The following PUS1 variants were observed in gnomAD, a reference collection of about 807,000 sequenced individuals.
PUS1 encodes pseudouridylate synthase 1 homolog.
A neutral mutation model predicts 38.5 loss-of-function variants in PUS1; 25 were observed. That is an observed-to-expected ratio of 0.65 (90% CI 0.47 to 0.91). The LOEUF (loss-of-function observed/expected upper bound fraction) is 0.91. Among genes scored for constraint, PUS1 ranks in the 40% least tolerant of loss-of-function variants. The pLI is 0.00. For synonymous variants in PUS1, 282 were observed against 260.4 expected, an observed-to-expected ratio of 1.08 and a Z score of -0.80; for missense variants, 597 against 612.3, an observed-to-expected ratio of 0.97 and a Z score of 0.26.
chr12:131,943,533 C>T lies in PUS1; in HGVS notation c.1237-6C>T, dbSNP rs2136447239. 6.2e-7 allele frequency: 1 copy of T among 1,612,770 alleles called. No individual in the cohort carries two copies. Among genetic ancestry groups the T allele is most frequent in the Admixed American group, 1.7e-5 (1 of 60,022 alleles). On this transcript the variant is annotated splice_region_variant and splice_polypyrimidine_tract_variant and intron_variant, in intron 5 of 5. Coordinates refer to ENST00000376649, the MANE Select transcript of PUS1 (RefSeq NM_025215.6). Reference sequence around the variant, plus strand: ...CTCTTATTCTCCATGTGGTCTTCTTCTGCAGGTGCCCAGTCCCCTGGAAGG... The same window carrying T: ...CTCTTATTCTCCATGTGGTCTTCTTTTGCAGGTGCCCAGTCCCCTGGAAGG...
chr12:131,943,508 C>T (rs375867008), intron 5 of PUS1, 31 bp from the exon 6 acceptor site: 21 of 1,601,032 alleles, frequency 1.3e-5, no homozygotes, highest in Admixed American at 1.7e-5. Context: ...GAGTGCTTGC[C>T]TCTTATTCTC....
At position 131,941,802 on chromosome 12, in the gene PUS1, T is replaced by C; in HGVS notation, c.1055T>C (p.Leu352Pro). The change falls in exon 5 of 6, where the codon CTG becomes CCG. Residue 352 changes from leucine (L) to proline (P), a missense_variant. Coordinates refer to ENST00000376649, the MANE Select transcript of PUS1 (RefSeq NM_025215.6). The surrounding 1 kb of genome is among the most constrained non-coding windows in gnomAD (Gnocchi z 4.4). Reference protein sequence around the residue: ...KYNQRFGNDGLHEPLDWAQEE... With the variant: ...KYNQRFGNDGPHEPLDWAQEE... ...AACCAGCGCTTTGGCAACGATGGGC[T>C]GCATGAGCCGCTGGACTGGGCGCAG... 6.2e-7 allele frequency: 1 copy of C among 1,613,386 alleles called. No individual in the cohort carries two copies. The highest frequency in any genetic ancestry group is 8.5e-7 in the Non-Finnish European group (1 of 1,179,402).
At position 131,932,324 on chromosome 12, in the gene PUS1, C is replaced by T; in HGVS notation, c.441+12C>T. The stretch of plus-strand genomic sequence containing the variant: ...CCCGGACAGACAAGGTGGGTGGTGG[C>T]CTTCTCTGCCCCTCCCCCGCTGCTA... On this transcript the variant is annotated intron_variant, in intron 3 of 5. Coordinates refer to ENST00000376649, the MANE Select transcript of PUS1 (RefSeq NM_025215.6). The T allele has an allele frequency of 1.2e-6, 2 of 1,612,772 alleles. No individual in the cohort carries two copies. The highest frequency in any genetic ancestry group is 1.7e-6 in the Non-Finnish European group (2 of 1,179,878).
chr12:131,932,588 G>A, intron 3 of PUS1: 1 of 552,880 alleles, frequency 1.8e-6, no homozygotes, highest in Non-Finnish European at 3.3e-6. Flanking sequence ...TCTTGCAGGT[G>A]GCACAGTGGC....
Position 131,930,919 on chromosome 12 carries a change from T to C in PUS1, c.303+784T>C, listed in dbSNP as rs543753507. On this transcript the variant is annotated intron_variant, in intron 2 of 5. Transcript: ENST00000376649. Reference sequence around the variant, plus strand: ...CTCAAGCGATCCTCCTGCCTCGGCCTTCCTGTGTTGTGATTACAGGCATGA... The same window carrying C: ...CTCAAGCGATCCTCCTGCCTCGGCCCTCCTGTGTTGTGATTACAGGCATGA... 2.4e-4 allele frequency among the ~76,000 whole-genome samples: 36 copies of C among 152,270 alleles called. No homozygotes were observed. In the South Asian group the frequency reaches 6.0e-3, roughly 25 times the overall value.
At chr12:131,932,746 A>G (rs1164656714) in intron 3 of PUS1, 2 of 406,982 alleles carry the variant, frequency 4.9e-6, no homozygotes, top group African/African-American at 4.2e-5. Flanking sequence ...TCTGTTGCCC[A>G]GGCTGGAGTG....
intron 2 of PUS1, among the ~76,000 whole-genome samples, chr12:131,930,720 C>T (rs755563440): frequency 6.6e-6 from 1 of 152,140 alleles, no homozygotes; most frequent in Non-Finnish European, 1.5e-5. Flanking sequence ...ACCTCCTGGG[C>T]TCAAGAGATC....
At position 131,932,326 on chromosome 12, in the gene PUS1, TTC is replaced by T; in HGVS notation, c.441+18_441+19del. ...CGGACAGACAAGGTGGGTGGTGGCC[TTC>T]TCTGCCCCTCCCCCGCTGCTATGAG... On this transcript the variant is annotated intron_variant, in intron 3 of 5. Transcript: ENST00000376649. 6.2e-7 allele frequency: 1 copy of T among 1,612,810 alleles called. No homozygotes were observed. The highest frequency in any genetic ancestry group is 8.5e-7 in the Non-Finnish European group (1 of 1,179,904).
chr12:131,929,833 GCCCAGCCCAGCCCA>G, intron 1 of PUS1, 37 bp downstream of exon 1: 1 of 853,682 alleles, frequency 1.2e-6, no homozygotes, highest in Non-Finnish European at 1.7e-6. Context: ...CGCTATGCCC[GCCCAGCCCAGCCCA>G]CCCCAGTCCA....
rs928144275 is a variant in PUS1 at position 131,929,959 on chromosome 12, C to T, written c.127C>T (p.Pro43Ser). 12 of 1,514,816 alleles carry T rather than the reference C, an allele frequency of 7.9e-6. No individual in the cohort carries two copies. Among genetic ancestry groups the T allele is most frequent in the Middle Eastern group, 1.9e-4 (1 of 5,132 alleles). The allele number at this position is 1,514,816 out of a possible 1,614,324, so 93.8% of individuals were successfully genotyped here. ...AEPPPAGAAC[P>S]QDRRSCSGRA... ...GCCGCCGCCCGCCGGAGCCGCATGCCCCCAGGACCGGAGGTCCTGCAGCGG... is the reference window on the plus strand; with the variant it reads ...GCCGCCGCCCGCCGGAGCCGCATGCTCCCAGGACCGGAGGTCCTGCAGCGG... The change falls in exon 2 of 6, where the codon CCC becomes TCC. Residue 43 changes from proline (P) to serine (S), a missense_variant. Coordinates refer to ENST00000376649, the MANE Select transcript of PUS1 (RefSeq NM_025215.6).
At chr12:131,942,516 C>T (rs1182002846) in intron 5 of PUS1, among the ~76,000 whole-genome samples, 1 of 152,110 alleles carries the variant, frequency 6.6e-6, no homozygotes, top group Non-Finnish European at 1.5e-5. Context: ...ACGCCATTCT[C>T]CTGCCTCAGC....
chr12:131,943,583 C>A lies in PUS1; in HGVS notation c.1281C>A (p.Asp427Glu). 6.2e-7 allele frequency: 1 copy of A among 1,613,264 alleles called. No homozygotes were observed. The highest frequency in any genetic ancestry group is 8.5e-7 in the Non-Finnish European group (1 of 1,179,502). Residue 427 changes from aspartate to glutamate, a missense_variant, in exon 6 of 6, where the codon GAC becomes GAA. Physicochemically the swap from Asp to Glu is conservative, Grantham distance 45. Transcript: ENST00000376649. Reference protein sequence around the residue: ...LEGSEGDGDTD With the variant: ...LEGSEGDGDTE ...GCAGTGAAGGGGACGGAGACACTGA[C>A]TGAGGCGATGGGAGCTGCCCACCAG...
chr12:131,942,070 G>T (rs1468455977), intron 5 of PUS1, 87 bp downstream of exon 5: 3 of 1,246,270 alleles, frequency 2.4e-6, no homozygotes, highest in Non-Finnish European at 3.4e-6. Context: ...GCACAGAGAA[G>T]TGTGTCACTT....
chr12:131,943,147 G>A (rs1376630222), intron 5 of PUS1, among the ~76,000 whole-genome samples: 1 of 152,264 alleles, frequency 6.6e-6, no homozygotes, highest in Non-Finnish European at 1.5e-5. Flanking sequence ...CAAGCCCGGT[G>A]CAGGCTAAAT....
chr12:131,936,478 G>A (rs968243842), intron 3 of PUS1, among the ~76,000 whole-genome samples: 9 of 152,210 alleles, frequency 5.9e-5, no homozygotes, highest in South Asian at 4.1e-4. Context: ...CAGGAGAATC[G>A]TTTGAATCCG....
chr12:131,942,006 G>A (rs771742141), intron 5 of PUS1, 23 bp downstream of exon 5: 1 of 1,594,324 alleles, frequency 6.3e-7, no homozygotes. Flanking sequence ...TCCCAGCAGT[G>A]CTCAGCAGAA....
At chr12:131,943,338 T>C (rs1891170640) in intron 5 of PUS1, among the ~76,000 whole-genome samples, 2 of 152,214 alleles carry the variant, frequency 1.3e-5, no homozygotes, top group Admixed American at 6.5e-5. Context: ...GCCCCTCTAG[T>C]GTCCCCAGCC....
chr12:131,937,468 G>A (rs866656664), intron 3 of PUS1, among the ~76,000 whole-genome samples: 12 of 152,080 alleles, frequency 7.9e-5, no homozygotes, highest in East Asian at 1.9e-4. Flanking sequence ...TCCACCTCCC[G>A]GGTTCAAGTG....
At chr12:131,932,442 C>T in intron 3 of PUS1, 130 bp downstream of exon 3, 1 of 1,129,258 alleles carries the variant, frequency 8.9e-7, no homozygotes, top group East Asian at 2.6e-5. Context: ...CTAGCCTACG[C>T]CTTATGTAGG....
Sources: allele counts gnomAD v4.1 joint callset (sites outside exome capture counted in the v4.1 genomes callset), GRCh38; gene constraint gnomAD v4.1.1; non-coding constraint Gnocchi (gnomAD v3.1); transcripts MANE v1.5; gene names NCBI Gene and HGNC (gene_info 2026-07-23, HGNC 2026-07-21).